The following WDR45B variants were observed in gnomAD, a reference collection of about 807,000 sequenced individuals.
WDR45B encodes the protein WD repeat domain phosphoinositide-interacting protein 3.
In WDR45B, 20 loss-of-function variants were observed where a neutral mutation model predicts 44.6. The observed-to-expected ratio is 0.45, with a 90% CI of 0.32 to 0.65. The LOEUF is 0.65. Ranked by LOEUF, WDR45B falls within the 30% of genes least tolerant of loss-of-function variation. The probability of loss-of-function intolerance (pLI) is 0.05; values close to 1 mark genes in which losing one functional copy is unlikely to be tolerated. For synonymous variants in WDR45B, 169 were observed against 164.9 expected (o/e 1.02, Z -0.19); for missense variants, 323 against 430.2 (o/e 0.75, Z 2.20).
chr17:82,640,718 C>G (rs976474425), intron 2 of WDR45B, among the ~76,000 whole-genome samples: 3 of 152,068 alleles, frequency 2.0e-5, no homozygotes, highest in Non-Finnish European at 2.9e-5. Context: ...TTTAAATGTG[C>G]CATCAAAAAG....
rs916657624 is a variant in WDR45B at position 82,631,077 on chromosome 17, A to C, written c.143-55T>G. ...TTACAAGTTAATATGTATATTTTAC[A>C]ATAAAAAAGAAAAGAGAAAGTCAAG... On this transcript the variant is annotated intron_variant, in intron 2 of 9. Coordinates refer to ENST00000392325, the MANE Select transcript of WDR45B (RefSeq NM_019613.4). 2.6e-6 allele frequency: 4 copies of C among 1,539,104 alleles called. No homozygotes were observed. In the African/African-American group the frequency reaches 5.5e-5, roughly 21 times the overall value.
At chr17:82,618,758 CA>C (rs951726622) in intron 7 of WDR45B, among the ~76,000 whole-genome samples, 4 of 151,790 alleles carry the variant, frequency 2.6e-5, no homozygotes, top group Non-Finnish European at 4.4e-5. Context: ...AAAAAAACAA[CA>C]AAAAAAACCC....
At chr17:82,635,576 T>C (rs977605136) in intron 2 of WDR45B, among the ~76,000 whole-genome samples, 2 of 151,426 alleles carry the variant, frequency 1.3e-5, no homozygotes, top group African/African-American at 4.9e-5. Context: ...CAGGCGCCCA[T>C]CACACCCAGC....
chr17:82,633,626 TAAC>T (rs1333817860), intron 2 of WDR45B, among the ~76,000 whole-genome samples: 1 of 152,086 alleles, frequency 6.6e-6, no homozygotes, highest in Non-Finnish European at 1.5e-5. Context: ...ACCCAGGAAA[TAAC>T]AAGTACTGGC....
chr17:82,626,999 C>T, intron 4 of WDR45B: 1 of 605,766 alleles, frequency 1.7e-6, no homozygotes, highest in Non-Finnish European at 3.0e-6. Context: ...TACTTACCTC[C>T]AGCGGAGCCC....
intron 5 of WDR45B, among the ~76,000 whole-genome samples, chr17:82,624,496 G>A (rs977111860): frequency 2.0e-5 from 3 of 152,170 alleles, no homozygotes; most frequent in African/African-American, 4.8e-5. Flanking sequence ...TCCTGACCTC[G>A]TGATCCGCCC....
chr17:82,617,152 A>T, intron 8 of WDR45B, 144 bp downstream of exon 8: 2 of 773,608 alleles, frequency 2.6e-6, no homozygotes, highest in Non-Finnish European at 2.2e-6. Flanking sequence ...ATATAAAATT[A>T]AATGAAAAAG....
chr17:82,617,710 C>T (rs1175241684), intron 7 of WDR45B, among the ~76,000 whole-genome samples: 1 of 152,172 alleles, frequency 6.6e-6, no homozygotes, highest in African/African-American at 2.4e-5. Flanking sequence ...ACATGCCGCT[C>T]AGGGCTGCTC....
intron 2 of WDR45B, among the ~76,000 whole-genome samples, chr17:82,638,363 TAGG>T (rs1240377472): frequency 6.9e-6 from 1 of 145,560 alleles, no homozygotes; most frequent in Non-Finnish European, 1.5e-5. Flanking sequence ...GAAAGGGGGG[TAGG>T]AGAAGGTCAG....
At chr17:82,643,712 G>A (rs1048367336) in intron 2 of WDR45B, among the ~76,000 whole-genome samples, 9 of 152,150 alleles carry the variant, frequency 5.9e-5, no homozygotes, top group African/African-American at 9.7e-5. Flanking sequence ...CATGCTGATC[G>A]ATAATTCACT....
intron 1 of WDR45B, among the ~76,000 whole-genome samples, chr17:82,647,431 C>G (rs887701987): frequency 2.5e-4 from 38 of 152,232 alleles, no homozygotes; most frequent in African/African-American, 8.2e-4. Context: ...CCATCCGAAT[C>G]CAGGTCCCGC....
At chr17:82,644,302 T>A (rs950785019) in intron 1 of WDR45B, 3 of 490,422 alleles carry the variant, frequency 6.1e-6, no homozygotes, top group Non-Finnish European at 1.1e-5. Flanking sequence ...TGGCCCAGGC[T>A]TGGAGGACGA....
In WDR45B at chr17:82,626,621, C is replaced by A. The variant is rs558270986; in HGVS notation, c.332+583G>T. On this transcript the variant is annotated intron_variant, in intron 4 of 9. Coordinates refer to ENST00000392325, the MANE Select transcript of WDR45B (RefSeq NM_019613.4). Reference sequence around the variant, plus strand: ...TTGCTCGGCTGCTGTCCTCCCACAGCCGACAGAGATGGAAATCTTAGAGTA... The same window carrying A: ...TTGCTCGGCTGCTGTCCTCCCACAGACGACAGAGATGGAAATCTTAGAGTA... Among the ~76,000 whole-genome samples, 298 of 150,834 alleles carry A rather than the reference C, an allele frequency of 2.0e-3. 3 individuals are homozygous for A. The highest frequency in any genetic ancestry group is 1.8e-3 in the Non-Finnish European group (122 of 67,922).
intron 4 of WDR45B, 55 bp downstream of exon 4, chr17:82,627,149 C>T (rs1465079863): frequency 7.4e-7 from 1 of 1,348,786 alleles, no homozygotes; most frequent in African/African-American, 1.4e-5. Flanking sequence ...AGTATTTCAG[C>T]CATCTTTTGA....
chr17:82,634,167 A>AAAAAAAAAAAAAAC, intron 2 of WDR45B, among the ~76,000 whole-genome samples: 1 of 149,642 alleles, frequency 6.7e-6, no homozygotes, highest in African/African-American at 2.5e-5. Context: ...AAAAAAAAAA[A>AAAAAAAAAAAAAAC]AAAAAAAGGC....
At chr17:82,647,190 G>A (rs1372979838) in intron 1 of WDR45B, among the ~76,000 whole-genome samples, 2 of 119,786 alleles carry the variant, frequency 1.7e-5, no homozygotes, top group African/African-American at 6.1e-5. Context: ...GATCGCACCA[G>A]GCTGGGCGAC....
chr17:82,642,201 C>A (rs1488716963), intron 2 of WDR45B, among the ~76,000 whole-genome samples: 1 of 152,106 alleles, frequency 6.6e-6, no homozygotes, highest in Non-Finnish European at 1.5e-5. Flanking sequence ...AGGAACCAGG[C>A]TGCACAGCAG....
intron 3 of WDR45B, 101 bp downstream of exon 3, chr17:82,630,820 A>T: frequency 8.5e-7 from 1 of 1,170,758 alleles, no homozygotes; most frequent in Non-Finnish European, 1.3e-6. Flanking sequence ...ATTTCACAGA[A>T]CTACTAGGGA....
chr17:82,643,010 T>G (rs190561056), intron 2 of WDR45B, among the ~76,000 whole-genome samples: 1 of 152,228 alleles, frequency 6.6e-6, no homozygotes, highest in Non-Finnish European at 1.5e-5. Context: ...CATCATACAG[T>G]GTATGTGGCA....
Sources: allele counts gnomAD v4.1 joint callset (sites outside exome capture counted in the v4.1 genomes callset), GRCh38; gene constraint gnomAD v4.1.1; transcripts MANE v1.5; gene names NCBI Gene and HGNC (gene_info 2026-07-23, HGNC 2026-07-21).